The following TRPM4 variants were observed in gnomAD, a reference collection of about 807,000 sequenced individuals.
TRPM4 encodes transient receptor potential cation channel subfamily M member 4, also known as calcium-activated non-selective cation channel 1.
Under a neutral mutation model 135.6 loss-of-function variants are expected in TRPM4, and 124 were observed. That is an observed-to-expected ratio of 0.91 (90% CI 0.79 to 1.06). The LOEUF (loss-of-function observed/expected upper bound fraction) is 1.06, where lower values mean the gene tolerates loss of function less well. Ranked by LOEUF, TRPM4 falls within the 50% of genes least tolerant of loss-of-function variation. The probability of loss-of-function intolerance (pLI) is 0.00; values close to 1 mark genes in which losing one functional copy is unlikely to be tolerated. For missense variants in TRPM4, 1,658 were observed against 1,671.4 expected, an observed-to-expected ratio of 0.99 and a Z score of 0.14; for synonymous variants, 745 against 705.6, an observed-to-expected ratio of 1.06 and a Z score of -0.88.
At position 49,166,183 on chromosome 19, in the gene TRPM4, G is replaced by A; in HGVS notation, c.235G>A (p.Asp79Asn). ...EKPTDAYGELDFTGAGRKHSN... is the reference protein window; with the variant it reads ...EKPTDAYGELNFTGAGRKHSN... ...GCCCACCGATGCCTACGGAGAGCTG[G>A]ACTTCACGGGGGCCGGCCGCAAGCA... The change falls in exon 3 of 25, where the codon GAC becomes AAC. Residue 79 changes from aspartate (D) to asparagine (N), a missense_variant. Around this residue, in one of 3 missense-constraint regions of TRPM4, gnomAD observed 239 missense variants for 240.1 expected, o/e 1.00. Coordinates refer to ENST00000252826, the MANE Select transcript of TRPM4 (RefSeq NM_017636.4). 1 of 1,608,748 alleles carries A rather than the reference G, an allele frequency of 6.2e-7. No homozygotes were observed. The highest frequency in any genetic ancestry group is 1.3e-5 in the African/African-American group (1 of 74,994).
rs1967482360 is a variant in TRPM4, at chr19:49,172,037, T to G, written c.1079T>G (p.Leu360Arg). 6.2e-7 allele frequency: 1 copy of G among 1,613,962 alleles called. No homozygotes were observed. The highest frequency in any genetic ancestry group is 8.5e-7 in the Non-Finnish European group (1 of 1,179,946). The change falls in exon 9 of 25, where the codon CTC (leucine) becomes CGC (arginine). Residue 360 changes from leucine (L) to arginine (R), a missense_variant. Around this residue, in one of 3 missense-constraint regions of TRPM4, gnomAD observed 1,412 missense variants for 1,408.7 expected, o/e 1.00. Transcript: ENST00000252826. ...GAGAGGATTATGACCCGGAAGGAGC[T>G]CCTGACAGTCTATTCTTCTGAGGAT... is the stretch of plus-strand genomic sequence containing the variant. ...QVERIMTRKE[L>R]LTVYSSEDGS...
At chr19:49,206,136 T>C (rs1969142738) in intron 20 of TRPM4, among the ~76,000 whole-genome samples, 2 of 151,608 alleles carry the variant, frequency 1.3e-5, no homozygotes, top group Non-Finnish European at 2.9e-5. Context: ...AATTTTTTTG[T>C]ATTTTTGGTA....
intron 20 of TRPM4, among the ~76,000 whole-genome samples, chr19:49,202,636 G>C (rs1018388779): frequency 2.6e-5 from 4 of 151,732 alleles, no homozygotes; most frequent in African/African-American, 9.7e-5. Context: ...CTGTCACCTA[G>C]GCTGGAGTGT....
At chr19:49,174,787 G>C (rs968608273) in intron 9 of TRPM4, among the ~76,000 whole-genome samples, 2 of 151,294 alleles carry the variant, frequency 1.3e-5, no homozygotes, top group African/African-American at 2.4e-5. Flanking sequence ...CAAATAAACT[G>C]GACCTTGATA....
Position 49,171,684 on chromosome 19 carries a change from G to A in TRPM4, c.965G>A (p.Gly322Glu), listed in dbSNP as rs865856899. 11 of 1,613,966 alleles carry A rather than the reference G, an allele frequency of 6.8e-6. No homozygotes were observed. The highest frequency in any genetic ancestry group is 6.7e-5 in the Admixed American group (4 of 60,004). The part of the protein sequence containing the change: ...AETLEDTLAP[G>E]SGGARQGEAR... ...ACCCTGGAAGACACTCTGGCCCCAG[G>A]GAGTGGGGGAGCCAGGCAAGGCGAA... Residue 322 changes from glycine (G) to glutamate (E), a missense_variant, in exon 8 of 25, where the codon GGG becomes GAG. By Grantham distance (98) the Gly-to-Glu change is moderately conservative. This residue lies in a region of TRPM4 where 1,412 missense variants were observed against 1,408.7 expected (regional missense o/e 1.00). Coordinates refer to ENST00000252826, the MANE Select transcript of TRPM4 (RefSeq NM_017636.4). This position sits in a 1 kb window ranked among gnomAD's most constrained non-coding sequence, Gnocchi z 4.7.
chr19:49,181,297 A>C, intron 9 of TRPM4, 52 bp from the exon 10 acceptor site: 1 of 1,334,126 alleles, frequency 7.5e-7, no homozygotes, highest in Non-Finnish European at 1.1e-6. Flanking sequence ...GACATTCAGC[A>C]GATGTCCCTC....
intron 12 of TRPM4, 78 bp downstream of exon 12, chr19:49,183,290 C>G: frequency 6.3e-7 from 1 of 1,593,756 alleles, no homozygotes; most frequent in Non-Finnish European, 8.6e-7. Flanking sequence ...AATTACCATA[C>G]AATTCCCCGA....
chr19:49,206,063 C>T (rs893087031), intron 20 of TRPM4, among the ~76,000 whole-genome samples: 3 of 152,104 alleles, frequency 2.0e-5, no homozygotes, highest in Admixed American at 2.0e-4. Flanking sequence ...TGGATTCAAA[C>T]GATTCTCCTA....
At chr19:49,182,492 CCA>C (rs1968016940) in intron 10 of TRPM4, 84 bp from the exon 11 acceptor site, 1 of 996,738 alleles carries the variant, frequency 1.0e-6, no homozygotes, top group African/African-American at 1.8e-5. Context: ...ATCCATCCAT[CCA>C]TCCATCCGTC....
At chr19:49,182,279 T>A (rs1398495495) in intron 10 of TRPM4, among the ~76,000 whole-genome samples, 11 of 150,694 alleles carry the variant, frequency 7.3e-5, no homozygotes, top group Non-Finnish European at 1.2e-4. Context: ...TGTCCATCCA[T>A]CCATCTACCT....
intron 3 of TRPM4, among the ~76,000 whole-genome samples, chr19:49,166,674 G>C (rs111212192): frequency 0.034 from 4,865 of 142,218 alleles, 186 homozygotes; most frequent in African/African-American, 0.065. Flanking sequence ...CCCCTTTTCT[G>C]TGGGTCACTG....
chr19:49,189,931 C>G (rs1968347183), intron 14 of TRPM4, among the ~76,000 whole-genome samples: 2 of 152,104 alleles, frequency 1.3e-5, no homozygotes, highest in Non-Finnish European at 1.5e-5. Flanking sequence ...ATACTAGTAC[C>G]CACCCCCTTA....
At chr19:49,175,267 G>T (rs1276644508) in intron 9 of TRPM4, among the ~76,000 whole-genome samples, 1 of 151,940 alleles carries the variant, frequency 6.6e-6, no homozygotes, top group Non-Finnish European at 1.5e-5. Flanking sequence ...TAGAGATGGG[G>T]TTTCTCCATA....
intron 9 of TRPM4, among the ~76,000 whole-genome samples, chr19:49,173,839 A>AT (rs1967568086): frequency 1.3e-5 from 2 of 151,708 alleles, no homozygotes; most frequent in Admixed American, 6.6e-5. Context: ...ACAAAAAAAA[A>AT]ATTTTTTTTT....
At chr19:49,209,261 C>T (rs569823700) in intron 20 of TRPM4, among the ~76,000 whole-genome samples, 3 of 152,102 alleles carry the variant, frequency 2.0e-5, no homozygotes, top group Non-Finnish European at 4.4e-5. Flanking sequence ...TTTGGTATTA[C>T]GGTAATGCTG....
At chr19:49,175,480 A>T (rs146289967) in intron 9 of TRPM4, among the ~76,000 whole-genome samples, 18 of 152,042 alleles carry the variant, frequency 1.2e-4, no homozygotes, top group African/African-American at 4.1e-4. Flanking sequence ...ACGTGCTGGG[A>T]TTACAGGCGT....
At position 49,211,730 on chromosome 19, in the gene TRPM4, G is replaced by A. The variant is rs552871887; in HGVS notation, c.*232G>A. 32 of 620,290 alleles carry A rather than the reference G, an allele frequency of 5.2e-5. 1 individual carries two copies. In the Admixed American group the frequency reaches 6.9e-4, roughly 13 times the overall value. The allele number at this position is 620,290 out of a possible 1,614,324, so 38.4% of individuals were successfully genotyped here. The stretch of plus-strand genomic sequence containing the variant: ...GGGAGGATCAAGGCCTGGATCCCGG[G>A]CCGTTATCCATCTGGAGGCTGCAGG... On this transcript the variant is annotated 3_prime_UTR_variant, in exon 25 of 25. Coordinates refer to ENST00000252826, the MANE Select transcript of TRPM4 (RefSeq NM_017636.4). The surrounding 1 kb of genome is among the most constrained non-coding windows in gnomAD (Gnocchi z 4.8).
Position 49,202,020 on chromosome 19 carries a change from C to T in TRPM4, c.3010C>T (p.Pro1004Ser), listed in dbSNP as rs1853731708. 1 of 1,613,618 alleles carries T rather than the reference C, an allele frequency of 6.2e-7. No homozygotes were observed. Among genetic ancestry groups the T allele is most frequent in the South Asian group, 1.1e-5 (1 of 91,060 alleles). The change falls in exon 20 of 25, where the codon CCT becomes TCT. Residue 1004 changes from proline to serine, a missense_variant. This residue lies in a region of TRPM4 where 1,412 missense variants were observed against 1,408.7 expected (regional missense o/e 1.00). Coordinates refer to ENST00000252826, the MANE Select transcript of TRPM4 (RefSeq NM_017636.4). ...SSEPGFWAHP[P>S]GAQAGTCVSQ... Reference sequence around the variant, plus strand: ...GGAGCCCGGCTTCTGGGCACACCCTCCTGGGGCCCAGGCGGGCACCTGCGT... The same window carrying T: ...GGAGCCCGGCTTCTGGGCACACCCTTCTGGGGCCCAGGCGGGCACCTGCGT...
rs749750135 is a variant in TRPM4 at position 49,171,748 on chromosome 19, C to A, written c.1029C>A (p.Asp343Glu). The A allele has an allele frequency of 3.7e-6, 6 of 1,611,074 alleles. No homozygotes were observed. The highest frequency in any genetic ancestry group is 3.3e-5 in the South Asian group (3 of 91,062). Reference sequence around the variant, plus strand: ...TCAGGCGTTTCTTTCCCAAAGGGGACCTTGAGGTCCTGCAGGCCCAGGTAT... The same window carrying A: ...TCAGGCGTTTCTTTCCCAAAGGGGAACTTGAGGTCCTGCAGGCCCAGGTAT... ...DRIRRFFPKG[D>E]LEVLQAQVER... Residue 343 changes from aspartate (D) to glutamate (E), a missense_variant, in exon 8 of 25, where the codon GAC becomes GAA. Transcript: ENST00000252826. The surrounding 1 kb of genome is among the most constrained non-coding windows in gnomAD (Gnocchi z 4.7).
Sources: allele counts gnomAD v4.1 joint callset (sites outside exome capture counted in the v4.1 genomes callset), GRCh38; gene constraint gnomAD v4.1.1; regional missense constraint gnomAD v4.1.1; non-coding constraint Gnocchi (gnomAD v3.1); transcripts MANE v1.5; gene names NCBI Gene and HGNC (gene_info 2026-07-23, HGNC 2026-07-21).